Variants in CYTH1 observed in about 807,000 individuals in gnomAD.
CYTH1 encodes cytohesin 1, also known as cytohesin-1.
A neutral mutation model predicts 61.8 loss-of-function variants in CYTH1; 18 were observed. The observed-to-expected ratio is 0.29, with a 90% CI of 0.20 to 0.43. The LOEUF is 0.43. Among genes scored for constraint, CYTH1 ranks in the 20% least tolerant of loss-of-function variants. The pLI is 1.00. For missense variants in CYTH1, 336 were observed against 510.5 expected (o/e 0.66, Z 3.29); for synonymous variants, 174 against 184.3 (o/e 0.94, Z 0.45).
intron 3 of CYTH1, among the ~76,000 whole-genome samples, chr17:78,706,959 A>G (rs1299817910): frequency 6.6e-6 from 1 of 152,174 alleles, no homozygotes; most frequent in Non-Finnish European, 1.5e-5. Context: ...TGTTACAAAT[A>G]TTTACTTCTA....
intron 11 of CYTH1, among the ~76,000 whole-genome samples, chr17:78,689,465 A>G (rs1023982269): frequency 1.3e-5 from 2 of 152,154 alleles, no homozygotes; most frequent in African/African-American, 2.4e-5. Context: ...TCGTGCTCCT[A>G]TGAGAATCTA....
In CYTH1 at chr17:78,700,520, ATT is replaced by A; in HGVS notation, c.438-79_438-78del. The A allele has an allele frequency of 9.5e-7, 1 of 1,050,546 alleles. No homozygotes were observed. Among genetic ancestry groups the A allele is most frequent in the Non-Finnish European group, 1.3e-6 (1 of 748,382 alleles). The allele number at this position is 1,050,546 out of a possible 1,614,324, so 65.1% of individuals were successfully genotyped here. On this transcript the variant is annotated intron_variant, in intron 6 of 13. Coordinates refer to ENST00000446868, the MANE Select transcript of CYTH1 (RefSeq NM_004762.6). The surrounding 1 kb of genome is among the most constrained non-coding windows in gnomAD (Gnocchi z 5.1). ...TCTATGAATTGTTAAACTGCCAATG[ATT>A]TTTTTTTTCTTTTTTTTTTTGAGAT...
intron 10 of CYTH1, among the ~76,000 whole-genome samples, chr17:78,693,092 T>C (rs925299495): frequency 6.6e-6 from 1 of 152,194 alleles, no homozygotes; most frequent in African/African-American, 2.4e-5. Flanking sequence ...GCTAGTGTCC[T>C]GAAAACAAAA....
intron 1 of CYTH1, among the ~76,000 whole-genome samples, chr17:78,720,394 C>A (rs920113440): frequency 4.6e-5 from 7 of 152,206 alleles, no homozygotes; most frequent in Admixed American, 3.9e-4. Flanking sequence ...CCTCAGCTCA[C>A]TGCAACCTCT....
chr17:78,778,637 C>CAAAAAAAAAAAAAAAAAA, intron 1 of CYTH1, among the ~76,000 whole-genome samples: 1 of 64,216 alleles, frequency 1.6e-5, no homozygotes. Context: ...GACTCCATCT[C>CAAAAAAAAAAAAAAAAAA]AAAAAAAAAA....
rs9892521 is a variant in CYTH1, at chr17:78,730,252, G to A, written c.23-20520C>T. On this transcript the variant is annotated intron_variant, in intron 1 of 13. Coordinates refer to ENST00000446868, the MANE Select transcript of CYTH1 (RefSeq NM_004762.6). ...TCAATAGTCACTGACTAGGCCGGGCGCGGTGTCTCACGCCTTTAATCCCAG... is the reference window on the plus strand; with the variant it reads ...TCAATAGTCACTGACTAGGCCGGGCACGGTGTCTCACGCCTTTAATCCCAG... 3.9e-3 allele frequency among the ~76,000 whole-genome samples: 586 copies of A among 151,872 alleles called. 3 individuals carry two copies. The highest frequency in any genetic ancestry group is 0.013 in the African/African-American group (551 of 41,370).
intron 11 of CYTH1, among the ~76,000 whole-genome samples, chr17:78,683,361 G>T (rs992883340): frequency 6.6e-6 from 1 of 152,150 alleles, no homozygotes; most frequent in Non-Finnish European, 1.5e-5. Flanking sequence ...GGACTCCTTG[G>T]TTGTCCCATT....
intron 3 of CYTH1, among the ~76,000 whole-genome samples, chr17:78,702,813 G>A (rs1402651739): frequency 6.6e-6 from 1 of 152,108 alleles, no homozygotes; most frequent in African/African-American, 2.4e-5. Flanking sequence ...CTTCTACCCT[G>A]GAACAGAGGT....
intron 1 of CYTH1, among the ~76,000 whole-genome samples, chr17:78,757,472 G>T (rs2093406454): frequency 6.6e-6 from 1 of 150,900 alleles, no homozygotes; most frequent in Non-Finnish European, 1.5e-5. Flanking sequence ...TGTTCAATAA[G>T]TATCTGTTGA....
Position 78,772,424 on chromosome 17 carries a change from T to C in CYTH1, c.22+9778A>G, listed in dbSNP as rs1025526033. 4.4e-4 allele frequency among the ~76,000 whole-genome samples: 67 copies of C among 152,170 alleles called. 3 individuals are homozygous for C. Among genetic ancestry groups the C allele is most frequent in the Non-Finnish European group, 8.8e-5 (6 of 68,022 alleles). ...CCTAACTGATCGTGAATGCAAGAAA[T>C]ACTGAAGAAAAAATCTGTTTGACAT... On this transcript the variant is annotated intron_variant, in intron 1 of 13. Coordinates refer to ENST00000446868, the MANE Select transcript of CYTH1 (RefSeq NM_004762.6).
At chr17:78,779,114 G>C (rs1230904937) in intron 1 of CYTH1, among the ~76,000 whole-genome samples, 2 of 152,020 alleles carry the variant, frequency 1.3e-5, no homozygotes, top group African/African-American at 4.8e-5. Flanking sequence ...GTAGAAAGGG[G>C]AACAGGCCAG....
At chr17:78,771,536 T>C (rs572399690) in intron 1 of CYTH1, among the ~76,000 whole-genome samples, 18 of 152,008 alleles carry the variant, frequency 1.2e-4, no homozygotes, top group Admixed American at 2.6e-4. Context: ...ATAGACACCA[T>C]CCTGGCCAAC....
At position 78,782,224 on chromosome 17, in the gene CYTH1, G is replaced by T; in HGVS notation, c.-1C>A. 1 of 1,349,676 alleles carries T rather than the reference G, an allele frequency of 7.4e-7. No homozygotes were observed. Among genetic ancestry groups the T allele is most frequent in the Non-Finnish European group, 9.7e-7 (1 of 1,035,412 alleles). The allele number at this position is 1,349,676 out of a possible 1,614,324, so 83.6% of individuals were successfully genotyped here. A position where few individuals can be genotyped will look rare whatever the true frequency, so the allele number is the denominator to read the frequency against. On this transcript the variant is annotated 5_prime_UTR_variant, in exon 1 of 14. Coordinates refer to ENST00000446868, the MANE Select transcript of CYTH1 (RefSeq NM_004762.6). The stretch of plus-strand genomic sequence containing the variant: ...GACCGTAGCTGTCGTCCTCCTCCAT[G>T]GTGCGGGAGCCGGGCTCCGCGCTCC...
At chr17:78,736,447 C>T (rs1287084062) in intron 1 of CYTH1, among the ~76,000 whole-genome samples, 1 of 152,022 alleles carries the variant, frequency 6.6e-6, no homozygotes, top group Non-Finnish European at 1.5e-5. Context: ...CTGACACACA[C>T]ACACATACAC....
intron 1 of CYTH1, among the ~76,000 whole-genome samples, chr17:78,770,989 G>A (rs1239705610): frequency 6.6e-5 from 10 of 152,130 alleles, no homozygotes; most frequent in East Asian, 1.9e-4. Context: ...CTGGCCAGGC[G>A]CAGTAGCTCA....
intron 10 of CYTH1, among the ~76,000 whole-genome samples, chr17:78,695,427 A>G (rs1033625785): frequency 6.6e-6 from 1 of 152,092 alleles, no homozygotes; most frequent in Non-Finnish European, 1.5e-5. Flanking sequence ...AGGAAATACC[A>G]TTTCCCCTTT....
chr17:78,685,700 G>A (rs552241689), intron 11 of CYTH1, among the ~76,000 whole-genome samples: 10 of 152,030 alleles, frequency 6.6e-5, no homozygotes, highest in South Asian at 2.1e-4. Context: ...ATTCTCTTAC[G>A]TGCTGGATGT....
At chr17:78,721,003 TCAC>T (rs1445972908) in intron 1 of CYTH1, among the ~76,000 whole-genome samples, 1 of 152,250 alleles carries the variant, frequency 6.6e-6, no homozygotes, top group Non-Finnish European at 1.5e-5. Context: ...AATAAGTATC[TCAC>T]CACCAATTTG....
intron 1 of CYTH1, among the ~76,000 whole-genome samples, chr17:78,766,872 G>A (rs1045222675): frequency 6.6e-6 from 1 of 152,184 alleles, no homozygotes; most frequent in African/African-American, 2.4e-5. Flanking sequence ...TCAAAGCATG[G>A]CCTGTGCATG....
Sources: allele counts gnomAD v4.1 joint callset (sites outside exome capture counted in the v4.1 genomes callset), GRCh38; gene constraint gnomAD v4.1.1; non-coding constraint Gnocchi (gnomAD v3.1); transcripts MANE v1.5; gene names NCBI Gene and HGNC (gene_info 2026-07-23, HGNC 2026-07-21).